Variants in HBS1L observed in about 807,000 individuals in gnomAD.
HBS1L encodes HBS1 like translational GTPase.
HBS1L carries 55 observed loss-of-function variants against 88.9 expected under a neutral mutation model. The ratio of observed to expected loss-of-function variants is 0.62; its 90% CI spans 0.50 to 0.77. The LOEUF is 0.77. HBS1L is among the 30% of genes least tolerant of loss of function. The probability of loss-of-function intolerance (pLI) is 0.00; values close to 1 mark genes in which losing one functional copy is unlikely to be tolerated. For missense variants in HBS1L, 741 were observed against 829.3 expected (o/e 0.89, Z 1.31); for synonymous variants, 267 against 288.5 (o/e 0.93, Z 0.76).
At position 134,996,839 on chromosome 6, in the gene HBS1L, CT is replaced by C; in HGVS notation, c.902del (p.Lys301ArgfsTer24). ...TMHKYEQESK[K>X]AGKASFAYAW... ...CATATGCAAACGAAGCTTTGCCAGC[CT>C]TTTTAGACTCCTGTTCATACTTATG... is the stretch of plus-strand genomic sequence containing the variant. On this transcript the variant is annotated frameshift_variant, in exon 7 of 18. Transcript: ENST00000367837. LOFTEE classifies it high-confidence loss of function. The C allele has an allele frequency of 6.2e-7, 1 of 1,611,748 alleles. No individual in the cohort carries two copies. The highest frequency in any genetic ancestry group is 1.1e-5 in the South Asian group (1 of 90,724).
At chr6:135,003,279 A>G (rs1046088536) in intron 4 of HBS1L, among the ~76,000 whole-genome samples, 1 of 152,216 alleles carries the variant, frequency 6.6e-6, no homozygotes, top group African/African-American at 2.4e-5. Context: ...CTGATGAACA[A>G]GTTGAGAGTC....
intron 4 of HBS1L, among the ~76,000 whole-genome samples, chr6:135,019,549 C>T (rs1303005945): frequency 2.0e-5 from 3 of 151,830 alleles, no homozygotes; most frequent in Admixed American, 6.6e-5. Context: ...CAATAGAATA[C>T]ACATACACAG....
At chr6:134,973,429 T>C (rs1331992397) in intron 15 of HBS1L, among the ~76,000 whole-genome samples, 1 of 152,200 alleles carries the variant, frequency 6.6e-6, no homozygotes, top group African/African-American at 2.4e-5. Context: ...AGAATGGTTA[T>C]CAGGGGATAC....
In HBS1L at chr6:134,966,380, C is replaced by G; in HGVS notation, c.1992G>C (p.Arg664Ser). The G allele has an allele frequency of 6.2e-7, 1 of 1,613,284 alleles. No individual in the cohort carries two copies. ...ELYKDFKELG[R>S]FMLRYGGSTI... is the part of the protein sequence containing the mutation. ...TAGAACCACCGTAACGTAGCATGAA[C>G]CTCCCCAGCTCTTTAAAGTCTTTAT... is the stretch of plus-strand genomic sequence containing the variant. The change falls in exon 17 of 18, where the codon AGG becomes AGC. Residue 664 changes from arginine (R) to serine (S), a missense_variant. By Grantham distance (110) the Arg-to-Ser change is moderately radical (BLOSUM62 -1). This residue lies in a region of HBS1L where 181 missense variants were observed against 212.7 expected (regional missense o/e 0.85). Coordinates refer to ENST00000367837, the MANE Select transcript of HBS1L (RefSeq NM_006620.4).
At chr6:135,015,718 A>G (rs1775901297) in intron 4 of HBS1L, among the ~76,000 whole-genome samples, 1 of 150,534 alleles carries the variant, frequency 6.6e-6, no homozygotes, top group Non-Finnish European at 1.5e-5. Flanking sequence ...AGTAGCTGGG[A>G]CTACAGGCAC....
chr6:134,970,178 G>A (rs1774441748), intron 15 of HBS1L, among the ~76,000 whole-genome samples: 1 of 152,226 alleles, frequency 6.6e-6, no homozygotes, highest in African/African-American at 2.4e-5. Flanking sequence ...TGCTGCCCAG[G>A]TTAGAGTGCA....
chr6:135,045,357 A>AT (rs1776880504), intron 2 of HBS1L, among the ~76,000 whole-genome samples: 1 of 152,208 alleles, frequency 6.6e-6, no homozygotes, highest in African/African-American at 2.4e-5. Context: ...AATTTAAGGC[A>AT]TTTTGACAAA....
chr6:135,006,767 G>A (rs1775624870), intron 4 of HBS1L, among the ~76,000 whole-genome samples: 1 of 152,102 alleles, frequency 6.6e-6, no homozygotes, highest in African/African-American at 2.4e-5. Flanking sequence ...GATAAGGAAG[G>A]AGGATACTTA....
Position 134,966,389 on chromosome 6 carries a change from C to A in HBS1L, c.1983G>T (p.Glu661Asp). The change falls in exon 17 of 18, where the codon GAG (glutamate) becomes GAT (aspartate). Residue 661 changes from glutamate (E) to aspartate (D), a missense_variant. Around this residue, in one of 3 missense-constraint regions of HBS1L, gnomAD observed 181 missense variants for 212.7 expected, o/e 0.85. Coordinates refer to ENST00000367837, the MANE Select transcript of HBS1L (RefSeq NM_006620.4). ...IALELYKDFK[E>D]LGRFMLRYGG... ...CGTAACGTAGCATGAACCTCCCCAG[C>A]TCTTTAAAGTCTTTATATAGCTCAA... is the stretch of plus-strand genomic sequence containing the variant. 6.2e-7 allele frequency: 1 copy of A among 1,613,260 alleles called. No homozygotes were observed. Among genetic ancestry groups the A allele is most frequent in the African/African-American group, 1.3e-5 (1 of 74,992 alleles).
chr6:135,020,381 T>C (rs1439465807), intron 4 of HBS1L, among the ~76,000 whole-genome samples: 1 of 151,888 alleles, frequency 6.6e-6, no homozygotes, highest in African/African-American at 2.4e-5. Context: ...ACTTGTAAGG[T>C]AGACATTATT....
intron 4 of HBS1L, among the ~76,000 whole-genome samples, chr6:135,012,838 G>A (rs1775812687): frequency 6.6e-6 from 1 of 152,138 alleles, no homozygotes; most frequent in African/African-American, 2.4e-5. Flanking sequence ...GGAAGCCATG[G>A]CTTCTTGGTA....
intron 4 of HBS1L, among the ~76,000 whole-genome samples, chr6:135,005,471 T>C (rs1284819087): frequency 6.6e-6 from 1 of 152,236 alleles, no homozygotes; most frequent in Non-Finnish European, 1.5e-5. Context: ...GGTATGTACA[T>C]GTTAATGTTT....
At chr6:135,054,182 G>A (rs1777174171) in intron 1 of HBS1L, among the ~76,000 whole-genome samples, 1 of 152,188 alleles carries the variant, frequency 6.6e-6, no homozygotes, top group Non-Finnish European at 1.5e-5. Flanking sequence ...ATACACAAAA[G>A]GTTTACCATG....
At chr6:135,020,980 T>C (rs1297545821) in intron 4 of HBS1L, among the ~76,000 whole-genome samples, 7 of 151,980 alleles carry the variant, frequency 4.6e-5, no homozygotes, top group Non-Finnish European at 8.8e-5. Flanking sequence ...ACTAATATAC[T>C]CTAATATGTA....
Position 134,979,176 on chromosome 6 carries a change from A to T in HBS1L, c.1688+2T>A, listed in dbSNP as rs1253183173. 2 of 1,605,758 alleles carry T rather than the reference A, an allele frequency of 1.2e-6. No individual in the cohort carries two copies. The highest frequency in any genetic ancestry group is 1.7e-6 in the Non-Finnish European group (2 of 1,172,946). ...GTTGCTTAAACTCATTTTCTCACTC[A>T]CTTGATTTTGATGATATCCATCCCA... On this transcript the variant is annotated splice_donor_variant, in intron 14 of 17. Coordinates refer to ENST00000367837, the MANE Select transcript of HBS1L (RefSeq NM_006620.4). LOFTEE classifies it high-confidence loss of function.
intron 4 of HBS1L, among the ~76,000 whole-genome samples, chr6:135,006,897 G>T (rs979875614): frequency 6.6e-6 from 1 of 151,914 alleles, no homozygotes; most frequent in Non-Finnish European, 1.5e-5. Flanking sequence ...TCTGGCCTCT[G>T]TCAAAAGAAG....
At chr6:135,036,698 A>G in intron 4 of HBS1L, 6 of 1,551,336 alleles carry the variant, frequency 3.9e-6, no homozygotes, top group Non-Finnish European at 5.2e-6. Context: ...CTATAAAGAA[A>G]AGTCTTATAG....
Position 134,986,716 on chromosome 6 carries a change from TA to T in HBS1L, c.1305+19del. ...ATGACTTAAGGAAAGTAATAACAAA[TA>T]AATCTAAAATGATCTTACCTTAAAA... is the stretch of plus-strand genomic sequence containing the variant. On this transcript the variant is annotated intron_variant, in intron 10 of 17. Coordinates refer to ENST00000367837, the MANE Select transcript of HBS1L (RefSeq NM_006620.4). 6.9e-7 allele frequency: 1 copy of T among 1,439,400 alleles called. No individual in the cohort carries two copies. The highest frequency in any genetic ancestry group is 2.0e-5 in the Admixed American group (1 of 48,860). 89.2% of individuals were successfully genotyped at this position (1,439,400 alleles called of 1,614,324 possible). A position where few individuals can be genotyped will look rare whatever the true frequency, so the allele number is the denominator to read the frequency against.
At chr6:135,035,705 C>G (rs1412364628) in intron 4 of HBS1L, among the ~76,000 whole-genome samples, 1 of 131,298 alleles carries the variant, frequency 7.6e-6, no homozygotes, top group Admixed American at 8.8e-5. Context: ...GAGCAGAGAT[C>G]GCGCCACTGC....
Sources: allele counts gnomAD v4.1 joint callset (sites outside exome capture counted in the v4.1 genomes callset), GRCh38; gene constraint gnomAD v4.1.1; regional missense constraint gnomAD v4.1.1; transcripts MANE v1.5; gene names NCBI Gene and HGNC (gene_info 2026-07-23, HGNC 2026-07-21).